LRRK2: variants seen among roughly 807,000 people sequenced by gnomAD.
LRRK2 encodes the protein leucine-rich repeat serine/threonine-protein kinase 2.
A neutral mutation model predicts 302.6 loss-of-function variants in LRRK2; 203 were observed. The observed-to-expected ratio is 0.67, with a 90% CI of 0.60 to 0.75. LRRK2 has a LOEUF of 0.75. Ranked by LOEUF, LRRK2 falls within the 30% of genes least tolerant of loss-of-function variation. LRRK2 has a pLI of 0.00. For missense variants in LRRK2, 2,830 were observed against 2,951.0 expected (o/e 0.96, Z 0.95); for synonymous variants, 1,066 against 1,031.9 (o/e 1.03, Z -0.63).
chr12:40,295,702 T>A, intron 23 of LRRK2, 58 bp downstream of exon 23: 1 of 1,498,858 alleles, frequency 6.7e-7, no homozygotes, highest in Non-Finnish European at 9.2e-7. Context: ...TGTATTTATA[T>A]CTAATTTGCA....
chr12:40,354,283 T>A lies in LRRK2; in HGVS notation c.6577-16T>A. ...TTAAATCAAATCCTGCTAAGTATAT[T>A]TTCTTTTCTTAACAGGAAGTTGCTG... On this transcript the variant is annotated splice_polypyrimidine_tract_variant and intron_variant, in intron 44 of 50. Transcript: ENST00000298910. 6.2e-7 allele frequency: 1 copy of A among 1,609,286 alleles called. No individual in the cohort carries two copies. Among genetic ancestry groups the A allele is most frequent in the Non-Finnish European group, 8.5e-7 (1 of 1,176,244 alleles).
At chr12:40,362,075 TG>T (rs1166459804) in intron 47 of LRRK2, among the ~76,000 whole-genome samples, 2 of 152,092 alleles carry the variant, frequency 1.3e-5, no homozygotes, top group African/African-American at 4.8e-5. Context: ...TCATATTTTA[TG>T]TTTTTTTATT....
rs760095114 is a variant in LRRK2 at position 40,314,039 on chromosome 12, T to C, written c.4604T>C (p.Leu1535Ser). The change falls in exon 32 of 51, where the codon TTA (leucine) becomes TCA (serine). Residue 1535 changes from leucine to serine, a missense_variant. This residue lies in a region of LRRK2 where 2,121 missense variants were observed against 2,148.0 expected (regional missense o/e 0.99). Coordinates refer to ENST00000298910, the MANE Select transcript of LRRK2 (RefSeq NM_198578.4). ...TATGTAGAACTTGAAAAAATCATTT[T>C]ATCGGAGCGTAAAAATGTGCCAATT... ...DCYVELEKII[L>S]SERKNVPIEF... 14 of 1,612,474 alleles carry C rather than the reference T, an allele frequency of 8.7e-6. No individual in the cohort carries two copies. In the African/African-American group the frequency reaches 1.3e-4, roughly 15 times the overall value.
At chr12:40,301,372 G>T (rs1157058868) in intron 25 of LRRK2, among the ~76,000 whole-genome samples, 2 of 152,042 alleles carry the variant, frequency 1.3e-5, no homozygotes, top group African/African-American at 4.8e-5. Flanking sequence ...TGCAGTGAGT[G>T]GAGATCAGGC....
intron 31 of LRRK2, among the ~76,000 whole-genome samples, chr12:40,312,032 C>T (rs1341883445): frequency 1.3e-5 from 2 of 151,538 alleles, no homozygotes; most frequent in Admixed American, 6.6e-5. Context: ...TTTGAGTTTC[C>T]CTTTTTGTCA....
intron 47 of LRRK2, among the ~76,000 whole-genome samples, chr12:40,362,008 G>T (rs1196613195): frequency 6.6e-6 from 1 of 152,010 alleles, no homozygotes; most frequent in Non-Finnish European, 1.5e-5. Flanking sequence ...AGGACCTTGA[G>T]CAAATTATTT....
chr12:40,237,850 A>C, intron 4 of LRRK2, 119 bp from the exon 5 acceptor site: 1 of 1,052,762 alleles, frequency 9.5e-7, no homozygotes, highest in South Asian at 1.5e-5. Context: ...AACAAACAAG[A>C]AAACCATGGG....
chr12:40,296,399 A>C (rs1944386238), intron 23 of LRRK2, among the ~76,000 whole-genome samples: 1 of 152,198 alleles, frequency 6.6e-6, no homozygotes, highest in Admixed American at 6.5e-5. Context: ...TGGGAGGCTG[A>C]GGCGGGTGGA....
intron 39 of LRRK2, among the ~76,000 whole-genome samples, chr12:40,332,134 T>C (rs1469638233): frequency 6.6e-6 from 1 of 152,250 alleles, no homozygotes; most frequent in African/African-American, 2.4e-5. Flanking sequence ...TAATTGGCTT[T>C]AGGCCTTTGT....
intron 33 of LRRK2, 88 bp from the exon 34 acceptor site, chr12:40,319,900 T>A: frequency 7.7e-7 from 1 of 1,294,534 alleles, no homozygotes; most frequent in Non-Finnish European, 1.1e-6. Flanking sequence ...CTGACTACTT[T>A]CACTGAGCAA....
rs2136794030 is a variant in LRRK2, at chr12:40,305,831, T to C, written c.3824T>C (p.Val1275Ala). ...CTTGAAAATCTGACATCTCTGGATG[T>C]CAGTTACAACTTGGAACTAAGATCC... is the stretch of plus-strand genomic sequence containing the variant. ...GCLENLTSLD[V>A]SYNLELRSFP... The change falls in exon 28 of 51, where the codon GTC becomes GCC. Residue 1275 changes from valine (V) to alanine (A), a missense_variant. Val to Ala is a moderately conservative substitution (Grantham distance 64). Around this residue, in one of 3 missense-constraint regions of LRRK2, gnomAD observed 2,121 missense variants for 2,148.0 expected, o/e 0.99. Transcript: ENST00000298910. 1 of 1,613,774 alleles carries C rather than the reference T, an allele frequency of 6.2e-7. No individual in the cohort carries two copies. Among genetic ancestry groups the C allele is most frequent in the Middle Eastern group, 1.7e-4 (1 of 6,058 alleles).
chr12:40,335,675 T>G (rs1474346395), intron 40 of LRRK2, among the ~76,000 whole-genome samples: 1 of 152,230 alleles, frequency 6.6e-6, no homozygotes, highest in East Asian at 1.9e-4. Flanking sequence ...GATTCATCAC[T>G]ATTCCACACA....
chr12:40,340,245 T>C (rs201682128), intron 40 of LRRK2, 49 bp from the exon 41 acceptor site: 67 of 1,590,522 alleles, frequency 4.2e-5, no homozygotes, highest in Non-Finnish European at 5.4e-5. Context: ...ACAAAAATTA[T>C]TATAATGTAA....
chr12:40,322,104 A>T lies in LRRK2; in HGVS notation c.5240A>T (p.Tyr1747Phe), dbSNP rs1244342805. 1.2e-6 allele frequency: 2 copies of T among 1,613,394 alleles called. No individual in the cohort carries two copies. The highest frequency in any genetic ancestry group is 1.7e-5 in the Admixed American group (1 of 59,982). Residue 1747 changes from tyrosine (Y) to phenylalanine (F), a missense_variant, in exon 36 of 51, where the codon TAT becomes TTT. Transcript: ENST00000298910. ...TACTTAAATTGGTCTCCTGAAGCTT[A>T]TTGTCTGGTAGGATCTGAAGTCTTA... ...GIYLNWSPEA[Y>F]CLVGSEVLDN...
intron 40 of LRRK2, among the ~76,000 whole-genome samples, chr12:40,336,032 C>A (rs1022207119): frequency 3.3e-5 from 5 of 152,150 alleles, no homozygotes; most frequent in Admixed American, 3.3e-4. Flanking sequence ...CCTGCTTCTA[C>A]CTCTGTCTCA....
At chr12:40,294,149 A>G (rs1438425141) in intron 21 of LRRK2, among the ~76,000 whole-genome samples, 5 of 139,460 alleles carry the variant, frequency 3.6e-5, no homozygotes, top group Non-Finnish European at 7.8e-5. Context: ...CTATCTATCT[A>G]TCTATCTATC....
At position 40,246,256 on chromosome 12, in the gene LRRK2, C is replaced by CT. The variant is rs1185733709; in HGVS notation, c.838+2583dup. Among the ~76,000 whole-genome samples the CT allele has an allele frequency of 3.0e-4, 45 of 151,244 alleles. No homozygotes were observed. The East Asian group carries it at 3.3e-3, about 11-fold the overall frequency. ...CAAATATACTTAAAATGTAGTAAGT[C>CT]TTTTTTTTCCTTTTCATTATGTTAA... On this transcript the variant is annotated intron_variant, in intron 7 of 50. Transcript: ENST00000298910.
In LRRK2 at chr12:40,274,492, C is replaced by T. The variant is rs1943366638; in HGVS notation, c.1657-91C>T. On this transcript the variant is annotated intron_variant, in intron 14 of 50. Coordinates refer to ENST00000298910, the MANE Select transcript of LRRK2 (RefSeq NM_198578.4). ...AGGATACTGATTTATATTTGGATTA[C>T]TTGATTTATATTTTGTCAGTCTATA... is the stretch of plus-strand genomic sequence containing the variant. 7.6e-6 allele frequency: 10 copies of T among 1,317,838 alleles called. No individual in the cohort carries two copies. The Admixed American group carries it at 8.9e-5, about 12-fold the overall frequency. The allele number at this position is 1,317,838 out of a possible 1,614,324, so 81.6% of individuals were successfully genotyped here. A position where few individuals can be genotyped will look rare whatever the true frequency, so the allele number is the denominator to read the frequency against.
intron 18 of LRRK2, 131 bp downstream of exon 18, chr12:40,278,392 T>C (rs1169142506): frequency 8.9e-7 from 1 of 1,129,202 alleles, no homozygotes; most frequent in Non-Finnish European, 1.3e-6. Flanking sequence ...ATTGCAATTG[T>C]TTGTGTCTTG....
Sources: allele counts gnomAD v4.1 joint callset (sites outside exome capture counted in the v4.1 genomes callset), GRCh38; gene constraint gnomAD v4.1.1; regional missense constraint gnomAD v4.1.1; transcripts MANE v1.5; gene names NCBI Gene and HGNC (gene_info 2026-07-23, HGNC 2026-07-21).